The following CLEC4C variants were observed in gnomAD, a reference collection of about 807,000 sequenced individuals.
The protein encoded by CLEC4C is C-type (calcium dependent, carbohydrate-recognition domain) lectin, superfamily member 11.
Under a neutral mutation model 27.7 loss-of-function variants are expected in CLEC4C, and 17 were observed. The observed-to-expected ratio is 0.61, with a 90% CI of 0.42 to 0.92. The LOEUF (loss-of-function observed/expected upper bound fraction) is 0.92. Among genes scored for constraint, CLEC4C ranks in the 40% least tolerant of loss-of-function variants. CLEC4C has a pLI of 0.00. For synonymous variants in CLEC4C, 80 were observed against 80.8 expected, an observed-to-expected ratio of 0.99 and a Z score of 0.06; for missense variants, 244 against 257.3, an observed-to-expected ratio of 0.95 and a Z score of 0.35.
intron 3 of CLEC4C, among the ~76,000 whole-genome samples, chr12:7,738,485 C>T (rs970667348): frequency 6.6e-6 from 1 of 152,094 alleles, no homozygotes; most frequent in African/African-American, 2.4e-5. Flanking sequence ...TTTTGACATA[C>T]ATTATACCAA....
At chr12:7,738,579 G>A (rs933156003) in intron 3 of CLEC4C, among the ~76,000 whole-genome samples, 8 of 152,122 alleles carry the variant, frequency 5.3e-5, no homozygotes, top group Non-Finnish European at 7.3e-5. Context: ...ATGGCTCACT[G>A]CAGCCTTGAC....
At chr12:7,741,291 T>C in intron 3 of CLEC4C, 130 bp downstream of exon 3, 1 of 623,152 alleles carries the variant, frequency 1.6e-6, no homozygotes, top group South Asian at 1.8e-5. Context: ...AGATACCAAG[T>C]AGATAGTTAA....
intron 3 of CLEC4C, 74 bp from the exon 4 acceptor site, chr12:7,737,648 TG>T: frequency 7.1e-7 from 1 of 1,416,526 alleles, no homozygotes; most frequent in Non-Finnish European, 9.6e-7. Context: ...AAGCTTAGCT[TG>T]CTAAGGTTTA....
At chr12:7,743,927 G>A (rs1864917158) in intron 2 of CLEC4C, among the ~76,000 whole-genome samples, 1 of 152,128 alleles carries the variant, frequency 6.6e-6, no homozygotes, top group South Asian at 2.1e-4. Context: ...TCACCTTCTG[G>A]TGAGGCCTCA....
At chr12:7,738,952 TC>T in intron 3 of CLEC4C, among the ~76,000 whole-genome samples, 1 of 117,204 alleles carries the variant, frequency 8.5e-6, no homozygotes, top group Non-Finnish European at 1.7e-5. Flanking sequence ...CCTAATGCTA[TC>T]CCTCCCCCCT....
chr12:7,740,130 C>T (rs1052348253), intron 3 of CLEC4C, among the ~76,000 whole-genome samples: 10 of 151,142 alleles, frequency 6.6e-5, no homozygotes, highest in Non-Finnish European at 7.4e-5. Flanking sequence ...CACCGTGCTG[C>T]GCTTGGGTGA....
chr12:7,732,307 G>A (rs1429655303), intron 4 of CLEC4C, among the ~76,000 whole-genome samples: 3 of 151,710 alleles, frequency 2.0e-5, no homozygotes. Context: ...TGGGATTACA[G>A]GCGTGAGCCA....
At chr12:7,733,093 G>T (rs7964345) in intron 4 of CLEC4C, among the ~76,000 whole-genome samples, 56,024 of 151,796 alleles carry the variant, frequency 0.37, 11,091 homozygotes, top group Middle Eastern at 0.55. Context: ...AAGATAGTGT[G>T]GCTGTCTCCA....
intron 4 of CLEC4C, among the ~76,000 whole-genome samples, chr12:7,731,675 C>T (rs1473134943): frequency 6.6e-6 from 1 of 152,152 alleles, no homozygotes; most frequent in East Asian, 1.9e-4. Flanking sequence ...TGATGTTTGG[C>T]ACGTACAGGA....
At chr12:7,732,359 A>T (rs2120365818) in intron 4 of CLEC4C, among the ~76,000 whole-genome samples, 1 of 127,672 alleles carries the variant, frequency 7.8e-6, no homozygotes. Context: ...TATTTTTTTT[A>T]TTTATTTTTT....
chr12:7,741,733 T>C (rs1297691395), intron 2 of CLEC4C, among the ~76,000 whole-genome samples: 1 of 151,646 alleles, frequency 6.6e-6, no homozygotes, highest in Non-Finnish European at 1.5e-5. Context: ...ACCAAAAATA[T>C]AAAAATTATC....
intron 2 of CLEC4C, among the ~76,000 whole-genome samples, chr12:7,744,495 T>C (rs1864928675): frequency 6.6e-6 from 1 of 152,184 alleles, no homozygotes; most frequent in African/African-American, 2.4e-5. Flanking sequence ...ACCCAAATAG[T>C]AAACAAGAGA....
At chr12:7,729,842 C>T (rs1864552643) in intron 5 of CLEC4C, 102 bp from the exon 6 acceptor site, 4 of 1,055,232 alleles carry the variant, frequency 3.8e-6, no homozygotes, top group South Asian at 1.5e-5. Flanking sequence ...GTCAAGGTCA[C>T]GTCTACCCAA....
intron 2 of CLEC4C, among the ~76,000 whole-genome samples, chr12:7,746,057 T>C (rs1013711840): frequency 2.0e-5 from 3 of 150,460 alleles, no homozygotes; most frequent in Non-Finnish European, 4.4e-5. Context: ...CTACTAAAAA[T>C]ACAAAAAATT....
intron 4 of CLEC4C, among the ~76,000 whole-genome samples, chr12:7,732,358 T>A (rs1272823776): frequency 6.7e-6 from 1 of 149,114 alleles, no homozygotes; most frequent in African/African-American, 2.5e-5. Flanking sequence ...TTATTTTTTT[T>A]ATTTATTTTT....
intron 5 of CLEC4C, 100 bp downstream of exon 5, chr12:7,730,697 G>A: frequency 1.8e-6 from 1 of 570,388 alleles, no homozygotes; most frequent in Non-Finnish European, 3.2e-6. Context: ...GTTTTAAAAA[G>A]TGTTGTGGGT....
chr12:7,732,363 A>T lies in CLEC4C; in HGVS notation c.382-1451T>A, dbSNP rs28821883. Among the ~76,000 whole-genome samples the T allele has an allele frequency of 5.0e-3, 672 of 133,086 alleles. 3 individuals are homozygous for T. Among genetic ancestry groups the T allele is most frequent in the African/African-American group, 0.018 (635 of 35,150 alleles). 87.3% of individuals were successfully genotyped at this position (133,086 alleles called of 152,430 possible). ...CTTTATTTTTTTATTTTTTTTATTT[A>T]TTTTTTTGAGATGGAGTCTCACTCT... On this transcript the variant is annotated intron_variant, in intron 4 of 5. Coordinates refer to ENST00000360345, the MANE Select transcript of CLEC4C (RefSeq NM_001371390.1).
chr12:7,735,591 G>T lies in CLEC4C; in HGVS notation c.381+1838C>A, dbSNP rs747920488. 2.1e-4 allele frequency among the ~76,000 whole-genome samples: 32 copies of T among 151,250 alleles called. 1 individual carries two copies. The South Asian group carries it at 6.5e-3, about 31-fold the overall frequency. On this transcript the variant is annotated intron_variant, in intron 4 of 5. Transcript: ENST00000360345. ...GGAGACCGAGGCAGGCAGATCACGA[G>T]GTCAGGAGTTTGAGACTAGCCTGGC...
At chr12:7,743,017 C>T (rs997345807) in intron 2 of CLEC4C, among the ~76,000 whole-genome samples, 6 of 151,954 alleles carry the variant, frequency 3.9e-5, no homozygotes, top group African/African-American at 9.7e-5. Flanking sequence ...AGTTTACATA[C>T]GTATATATCT....
Sources: gnomAD v4.1 joint callset for allele counts (sites outside exome capture counted in the v4.1 genomes callset) on GRCh38, gnomAD v4.1.1 for gene constraint, MANE v1.5 for transcripts, NCBI Gene and HGNC (gene_info 2026-07-23, HGNC 2026-07-21) for gene names.